The following PCOLCE2 variants were observed in gnomAD, a reference collection of about 807,000 sequenced individuals.
PCOLCE2 encodes procollagen C-endopeptidase enhancer 2.
A neutral mutation model predicts 47.0 loss-of-function variants in PCOLCE2; 42 were observed. That is an observed-to-expected ratio of 0.89 (90% confidence interval 0.70 to 1.16). The LOEUF is 1.16. Among genes scored for constraint, PCOLCE2 ranks in the 50% most tolerant of loss-of-function variants. The pLI is 0.00. For synonymous variants in PCOLCE2, 169 were observed against 191.7 expected (o/e 0.88, Z 0.98); for missense variants, 500 against 526.1 (o/e 0.95, Z 0.49).
At chr3:142,844,927 C>A (rs1259441746) in intron 3 of PCOLCE2, among the ~76,000 whole-genome samples, 4 of 152,068 alleles carry the variant, frequency 2.6e-5, no homozygotes, top group Non-Finnish European at 4.4e-5. Context: ...TTTCAACCAA[C>A]TTGGTCTTTG....
chr3:142,882,699 C>A (rs1933649507), intron 2 of PCOLCE2, among the ~76,000 whole-genome samples: 1 of 152,124 alleles, frequency 6.6e-6, no homozygotes, highest in South Asian at 2.1e-4. Flanking sequence ...TCTGCCTCTG[C>A]CTTCCAAAGT....
intron 2 of PCOLCE2, among the ~76,000 whole-genome samples, chr3:142,865,310 C>A (rs1164865550): frequency 1.3e-5 from 2 of 151,758 alleles, no homozygotes; most frequent in East Asian, 1.9e-4. Flanking sequence ...CTATTCAAAT[C>A]TTTTGCCTGT....
At chr3:142,885,872 C>G (rs1157588429) in intron 2 of PCOLCE2, among the ~76,000 whole-genome samples, 1 of 152,240 alleles carries the variant, frequency 6.6e-6, no homozygotes, top group Non-Finnish European at 1.5e-5. Flanking sequence ...TTCTTCGCTT[C>G]TCTTCCCACT....
intron 5 of PCOLCE2, among the ~76,000 whole-genome samples, chr3:142,838,250 GT>G (rs1937226891): frequency 6.6e-6 from 1 of 152,088 alleles, no homozygotes; most frequent in African/African-American, 2.4e-5. Flanking sequence ...TGACTCCATG[GT>G]TATGGGACTT....
rs1195917939 is a variant in PCOLCE2, at chr3:142,842,303, T to TA, written c.573+620dup. 3.9e-4 allele frequency among the ~76,000 whole-genome samples: 60 copies of TA among 152,330 alleles called. No individual in the cohort carries two copies. The highest frequency in any genetic ancestry group is 1.4e-3 in the African/African-American group (59 of 41,584). ...CTGGGGATTTTTATCCTCCCACAGTTAGTCGCTGCTGCTTATAACATCCAC... is the reference window on the plus strand; with the variant it reads ...CTGGGGATTTTTATCCTCCCACAGTTAAGTCGCTGCTGCTTATAACATCCAC... On this transcript the variant is annotated intron_variant, in intron 4 of 8. Transcript: ENST00000295992. This position sits in a 1 kb window ranked among gnomAD's most constrained non-coding sequence, Gnocchi z 4.1.
intron 2 of PCOLCE2, among the ~76,000 whole-genome samples, chr3:142,886,188 C>A (rs1933715173): frequency 6.6e-6 from 1 of 152,172 alleles, no homozygotes; most frequent in Non-Finnish European, 1.5e-5. Context: ...TGAGGCAAAC[C>A]GTTCCTTTAT....
chr3:142,875,622 CTCTG>C (rs1227363775), intron 2 of PCOLCE2, among the ~76,000 whole-genome samples: 2 of 152,160 alleles, frequency 1.3e-5, no homozygotes, highest in African/African-American at 2.4e-5. Flanking sequence ...AAGAGGAAAT[CTCTG>C]TCTATTCCAA....
chr3:142,843,739 G>A (rs1937294295), intron 3 of PCOLCE2, among the ~76,000 whole-genome samples: 1 of 151,872 alleles, frequency 6.6e-6, no homozygotes, highest in African/African-American at 2.4e-5. Context: ...TTAATACGAA[G>A]TTCTAAATTT....
At chr3:142,865,522 C>T (rs1448766070) in intron 2 of PCOLCE2, among the ~76,000 whole-genome samples, 1 of 152,134 alleles carries the variant, frequency 6.6e-6, no homozygotes, top group Non-Finnish European at 1.5e-5. Context: ...AGTGAGTTGA[C>T]AACAACATCT....
At chr3:142,874,209 G>A (rs1933451603) in intron 2 of PCOLCE2, among the ~76,000 whole-genome samples, 2 of 152,184 alleles carry the variant, frequency 1.3e-5, no homozygotes, top group Admixed American at 1.3e-4. Flanking sequence ...TTGAGTAGTT[G>A]GGACTACAGG....
At chr3:142,864,046 G>A (rs1392588070) in intron 2 of PCOLCE2, 1 of 152,096 alleles carries the variant, frequency 6.6e-6, no homozygotes, top group African/African-American at 2.4e-5. Flanking sequence ...AGGAAAAGAA[G>A]ACTGGGGAGC....
Position 142,823,686 on chromosome 3 carries a change from A to C in PCOLCE2, c.866-71T>G. ...ATAATTGGTCTTTAGTTCTGAATCTACCCATTTAAAATTATCATTTATTTC... is the reference window on the plus strand; with the variant it reads ...ATAATTGGTCTTTAGTTCTGAATCTCCCCATTTAAAATTATCATTTATTTC... On this transcript the variant is annotated intron_variant, in intron 6 of 8. Transcript: ENST00000295992. 3.5e-6 allele frequency: 3 copies of C among 847,272 alleles called. No individual in the cohort carries two copies. In the South Asian group the frequency reaches 4.5e-5, roughly 13 times the overall value. The allele number at this position is 847,272 out of a possible 1,614,324, so 52.5% of individuals were successfully genotyped here.
At chr3:142,888,646 G>T in intron 1 of PCOLCE2, 168 bp downstream of exon 1, 1 of 446,692 alleles carries the variant, frequency 2.2e-6, no homozygotes, top group Non-Finnish European at 4.0e-6. Flanking sequence ...CCGAAGTCCC[G>T]GGCTTAGCCT....
intron 2 of PCOLCE2, among the ~76,000 whole-genome samples, chr3:142,879,770 C>T (rs905077054): frequency 1.3e-5 from 2 of 152,044 alleles, no homozygotes; most frequent in Non-Finnish European, 2.9e-5. Flanking sequence ...GAGATCGAGA[C>T]CATCCTGGCT....
intron 2 of PCOLCE2, among the ~76,000 whole-genome samples, chr3:142,867,022 C>T (rs1933297908): frequency 6.6e-6 from 1 of 152,296 alleles, no homozygotes. Flanking sequence ...GTAGAAGCCA[C>T]ATTTGCATAA....
At chr3:142,879,970 C>CAAAAAA (rs772887718) in intron 2 of PCOLCE2, among the ~76,000 whole-genome samples, 1 of 53,512 alleles carries the variant, frequency 1.9e-5, no homozygotes, top group Non-Finnish European at 4.9e-5. Flanking sequence ...GACTCCATCT[C>CAAAAAA]AAAAAAAAAA....
Position 142,880,613 on chromosome 3 carries a change from T to C in PCOLCE2, c.192+7056A>G, listed in dbSNP as rs1009545637. 9.2e-5 allele frequency among the ~76,000 whole-genome samples: 14 copies of C among 152,340 alleles called. No homozygotes were observed. In the East Asian group the frequency reaches 1.7e-3, roughly 19 times the overall value. On this transcript the variant is annotated intron_variant, in intron 2 of 8. Transcript: ENST00000295992. ...GTTATCGGGAAGACATAAATCCCAATCACATTTTTAATCTACTAGTTCCTT... is the reference window on the plus strand; with the variant it reads ...GTTATCGGGAAGACATAAATCCCAACCACATTTTTAATCTACTAGTTCCTT...
Position 142,888,954 on chromosome 3 carries a change from C to T in PCOLCE2, c.-58G>A, listed in dbSNP as rs1196340199. ...GGCGCGCGCGCCGGCACACACGCCC[C>T]TCCGCACCCACCGCGCTCACACCGC... On this transcript the variant is annotated 5_prime_UTR_variant, in exon 1 of 9. Coordinates refer to ENST00000295992, the MANE Select transcript of PCOLCE2 (RefSeq NM_013363.4). 24 of 868,492 alleles carry T rather than the reference C, an allele frequency of 2.8e-5. No individual in the cohort carries two copies. The South Asian group carries it at 6.0e-4, about 22-fold the overall frequency. The allele number at this position is 868,492 out of a possible 1,614,324, so 53.8% of individuals were successfully genotyped here.
intron 3 of PCOLCE2, among the ~76,000 whole-genome samples, chr3:142,843,891 A>T (rs991143206): frequency 6.6e-6 from 1 of 152,196 alleles, no homozygotes; most frequent in African/African-American, 2.4e-5. Context: ...TATTATAAAA[A>T]TGGAGGTTGG....
Sources: gnomAD v4.1 joint callset for allele counts (sites outside exome capture counted in the v4.1 genomes callset) on GRCh38, gnomAD v4.1.1 for gene constraint, Gnocchi (gnomAD v3.1) non-coding constraint, MANE v1.5 for transcripts, NCBI Gene and HGNC (gene_info 2026-07-23, HGNC 2026-07-21) for gene names.